WHR1: variants seen among roughly 807,000 people sequenced by gnomAD.
WHR1 encodes MHC class III HLA-RP1.
chr6:31,974,276 T>G, the WHR1 span, among the ~76,000 whole-genome samples: 1 of 97,660 alleles, frequency 1.0e-5, no homozygotes. Flanking sequence ...CTAGACTTTG[T>G]CTCAAAAAAA....
the WHR1 span, among the ~76,000 whole-genome samples, chr6:31,976,807 C>T: frequency 2.6e-5 from 4 of 152,260 alleles, no homozygotes; most frequent in Non-Finnish European, 5.9e-5. Context: ...CTCCGGAGGC[C>T]GAGGCTGGCG....
chr6:31,974,972 T>C, the WHR1 span, among the ~76,000 whole-genome samples: 1 of 152,222 alleles, frequency 6.6e-6, no homozygotes. Flanking sequence ...TTGATTTTAA[T>C]GTATTGGTGT....
the WHR1 span, chr6:31,979,810 G>A: frequency 4.5e-6 from 2 of 446,712 alleles, no homozygotes; most frequent in East Asian, 7.5e-5. Flanking sequence ...CAGGGGCCTG[G>A]CAGGAAGTGT....
chr6:31,971,328 C>T, the WHR1 span: 1 of 1,541,102 alleles, frequency 6.5e-7, no homozygotes, highest in African/African-American at 1.4e-5. This position sits in a 1 kb window ranked among gnomAD's most constrained non-coding sequence, Gnocchi z 4.5. Context: ...ACCCCTCCAA[C>T]CGGCCTCGGT....
At chr6:31,980,959 T>C in the WHR1 span, 4 of 630,072 alleles carry the variant, frequency 6.3e-6, no homozygotes, top group Middle Eastern at 4.2e-4. Context: ...TCCTCACAGC[T>C]TGAGCCTAGG....
chr6:31,975,256 C>T, the WHR1 span, among the ~76,000 whole-genome samples: 1 of 147,000 alleles, frequency 6.8e-6, no homozygotes, highest in Admixed American at 6.9e-5. Flanking sequence ...GGCTGGAGTG[C>T]AGTGGTGTGA....
the WHR1 span, chr6:31,972,044 G>A: frequency 1.9e-6 from 3 of 1,611,736 alleles, no homozygotes; most frequent in Non-Finnish European, 1.7e-6. The surrounding 1 kb of genome is among the most constrained non-coding windows in gnomAD (Gnocchi z 6.3). Flanking sequence ...TTCAGCGACA[G>A]TGGCGGGCAA....
the WHR1 span, chr6:31,978,761 A>T: frequency 1.5e-6 from 1 of 677,016 alleles, no homozygotes; most frequent in East Asian, 2.8e-5. Flanking sequence ...TTGCTTGATT[A>T]TTTTCTCACA....
chr6:31,971,749 G>A, the WHR1 span: 1 of 1,455,696 alleles, frequency 6.9e-7, no homozygotes, highest in Non-Finnish European at 9.1e-7. This position sits in a 1 kb window ranked among gnomAD's most constrained non-coding sequence, Gnocchi z 4.5. Flanking sequence ...ACTGGTTTAG[G>A]ACTAAGCGAG....
chr6:31,972,765 G>T, the WHR1 span: 2 of 1,610,244 alleles, frequency 1.2e-6, no homozygotes. The surrounding 1 kb of genome is among the most constrained non-coding windows in gnomAD (Gnocchi z 6.3). Flanking sequence ...CTGGTGAGGG[G>T]CGTCGGTGCG....
chr6:31,979,360 G>C, the WHR1 span: 2 of 1,608,310 alleles, frequency 1.2e-6, no homozygotes, highest in Admixed American at 1.7e-5. Context: ...TGGGGGTGGA[G>C]GTTGGTAGAG....
the WHR1 span, chr6:31,972,701 C>T: frequency 1.2e-6 from 2 of 1,613,826 alleles, no homozygotes; most frequent in South Asian, 1.1e-5. This position sits in a 1 kb window ranked among gnomAD's most constrained non-coding sequence, Gnocchi z 6.3. Context: ...GCCCATCGTG[C>T]TGAGGAGCCA....
the WHR1 span, among the ~76,000 whole-genome samples, chr6:31,978,357 C>T: frequency 2.0e-5 from 3 of 151,970 alleles, no homozygotes; most frequent in Non-Finnish European, 2.9e-5. Flanking sequence ...AGACTGGTCT[C>T]GAACTCCTGT....
chr6:31,979,888 A>T, the WHR1 span: 1 of 231,112 alleles, frequency 4.3e-6, no homozygotes, highest in East Asian at 9.0e-5. Flanking sequence ...ATACCCCTAA[A>T]CATTCACATT....
the WHR1 span, chr6:31,971,914 C>A: frequency 5.2e-6 from 8 of 1,530,380 alleles, no homozygotes; most frequent in South Asian, 7.4e-5. The surrounding 1 kb of genome is among the most constrained non-coding windows in gnomAD (Gnocchi z 4.5). Context: ...GCGCTCAGAT[C>A]AAGAATCCAG....
chr6:31,976,944 T>TGAGGCAGGA, the WHR1 span, among the ~76,000 whole-genome samples: 1 of 152,206 alleles, frequency 6.6e-6, no homozygotes, highest in Non-Finnish European at 1.5e-5. Flanking sequence ...CTCGGCAGGC[T>TGAGGCAGGA]GAGGCAGGAG....
chr6:31,978,456 C>A, the WHR1 span, among the ~76,000 whole-genome samples: 3 of 152,172 alleles, frequency 2.0e-5, no homozygotes. Context: ...TTTAAAATAA[C>A]ATTTTTATCC....
chr6:31,979,198 G>C, the WHR1 span, among the ~76,000 whole-genome samples: 15 of 131,462 alleles, frequency 1.1e-4, no homozygotes, highest in South Asian at 2.9e-4. Flanking sequence ...GGTAAAGAGG[G>C]GGGGAGAGGA....
the WHR1 span, chr6:31,980,677 G>T: frequency 5.0e-6 from 8 of 1,603,976 alleles, no homozygotes; most frequent in Admixed American, 6.8e-5. Context: ...CCTTAGCATG[G>T]TCCGGAAGGC....
Sources: gnomAD v4.1 joint callset for allele counts (sites outside exome capture counted in the v4.1 genomes callset) on GRCh38, gnomAD v4.1.1 for gene constraint, Gnocchi (gnomAD v3.1) non-coding constraint, MANE v1.5 for transcripts, NCBI Gene and HGNC (gene_info 2026-07-23, HGNC 2026-07-21) for gene names.